The following ZPLD1 variants were observed in gnomAD, a reference collection of about 807,000 sequenced individuals.
ZPLD1 encodes zona pellucida like domain containing 1, also known as zona pellucida-like domain-containing protein 1.
ZPLD1 carries 34 observed loss-of-function variants against 47.2 expected under a neutral mutation model. That is an observed-to-expected ratio of 0.72 (90% CI 0.55 to 0.96). The LOEUF (loss-of-function observed/expected upper bound fraction) is 0.96. Among genes scored for constraint, ZPLD1 ranks in the 40% least tolerant of loss-of-function variants. The pLI, the probability that ZPLD1 is intolerant of heterozygous loss-of-function variation, is 0.00. For missense variants in ZPLD1, 512 were observed against 505.8 expected (o/e 1.01, Z -0.12); for synonymous variants, 176 against 186.2 (o/e 0.95, Z 0.45).
chr3:102,415,804 T>C (rs1368235550), intron 7 of ZPLD1, among the ~76,000 whole-genome samples: 1 of 151,898 alleles, frequency 6.6e-6, no homozygotes, highest in Non-Finnish European at 1.5e-5. Flanking sequence ...TTTAGTTATA[T>C]GACTTTTAAA....
rs183846345 is a variant in ZPLD1 at position 102,427,699 on chromosome 3, G to A, written c.-9+9492G>A. Among the ~76,000 whole-genome samples the A allele has an allele frequency of 1.6e-4, 25 of 152,236 alleles. No homozygotes were observed. The East Asian group carries it at 3.7e-3, about 22-fold the overall frequency. ...ATCCCCAAGAGCACACACACAATTC[G>A]TGACAGAATGAGAACCAGAGCCCAA... On this transcript the variant is annotated intron_variant, in intron 8 of 17. Coordinates refer to the ZPLD1 transcript ENST00000491959.
At chr3:102,392,546 C>T (rs538603377) in intron 7 of ZPLD1, among the ~76,000 whole-genome samples, 1,608 of 131,920 alleles carry the variant, frequency 0.012, 30 homozygotes, top group African/African-American at 0.047. Context: ...CTCCCTCCCT[C>T]CCTTCCTTCC....
chr3:102,423,991 A>G (rs1289721833), intron 8 of ZPLD1, among the ~76,000 whole-genome samples: 2 of 152,168 alleles, frequency 1.3e-5, no homozygotes, highest in Non-Finnish European at 2.9e-5. Context: ...TACAGGAGAA[A>G]CTGTGTACCA....
In ZPLD1 at chr3:102,468,970, C is replaced by A; in HGVS notation, c.768C>A (p.Asp256Glu). The change falls in exon 9 of 12, where the codon GAC (aspartate) becomes GAA (glutamate). Residue 256 changes from aspartate (D) to glutamate (E), a missense_variant. By Grantham distance (45) the Asp-to-Glu change is conservative. Transcript: ENST00000466937. ...DIRYDLFLSCDKDPQTTVIEN... is the reference protein window; with the variant it reads ...DIRYDLFLSCEKDPQTTVIEN... Reference sequence around the variant, plus strand: ...CACGTTCCCTAAAATTTAGCTGTGACAAGGACCCTCAGACCACCGTCATTG... The same window carrying A: ...CACGTTCCCTAAAATTTAGCTGTGAAAAGGACCCTCAGACCACCGTCATTG... 1 of 1,611,438 alleles carries A rather than the reference C, an allele frequency of 6.2e-7. No homozygotes were observed. The highest frequency in any genetic ancestry group is 8.5e-7 in the Non-Finnish European group (1 of 1,179,012).
At chr3:102,475,484 C>T (rs1027107347) in intron 10 of ZPLD1, among the ~76,000 whole-genome samples, 1 of 152,068 alleles carries the variant, frequency 6.6e-6, no homozygotes, top group South Asian at 2.1e-4. Context: ...AAAAGAATAG[C>T]TTTCAAAAAT....
At position 102,423,178 on chromosome 3, in the gene ZPLD1, T is replaced by G. The variant is rs368460678; in HGVS notation, c.-9+4971T>G. On this transcript the variant is annotated intron_variant, in intron 8 of 17. Coordinates refer to the ZPLD1 transcript ENST00000491959. ...CAAATGCATTATGTTGCTGATTAGCTGACTCTTTCAGGCTTAAACTGCCAT... is the reference window on the plus strand; with the variant it reads ...CAAATGCATTATGTTGCTGATTAGCGGACTCTTTCAGGCTTAAACTGCCAT... 9.2e-5 allele frequency among the ~76,000 whole-genome samples: 14 copies of G among 152,248 alleles called. No individual in the cohort carries two copies. In the South Asian group the frequency reaches 2.7e-3, roughly 29 times the overall value.
intron 3 of ZPLD1, among the ~76,000 whole-genome samples, chr3:102,444,761 G>A (rs1707231599): frequency 6.6e-6 from 1 of 152,132 alleles, no homozygotes; most frequent in Admixed American, 6.5e-5. Flanking sequence ...ATACAGAAAA[G>A]TTTTCTCCCA....
chr3:102,390,832 G>C (rs571404107), intron 6 of ZPLD1, among the ~76,000 whole-genome samples: 1 of 152,218 alleles, frequency 6.6e-6, no homozygotes, highest in African/African-American at 2.4e-5. Context: ...GAGATTATTG[G>C]AATGTTGCAA....
rs772265501 is a variant in ZPLD1 at position 102,470,435 on chromosome 3, G to A, written c.975G>A (p.Thr325=). 2.8e-5 allele frequency: 46 copies of A among 1,614,052 alleles called. No individual in the cohort carries two copies. The highest frequency in any genetic ancestry group is 3.5e-5 in the Non-Finnish European group (41 of 1,180,004). The change falls in exon 10 of 12, where the codon ACG becomes ACA. Residue 325 remains threonine (T), a synonymous_variant. Coordinates refer to ENST00000466937, the MANE Select transcript of ZPLD1 (RefSeq NM_001329788.2). The part of the protein sequence containing the change: ...HRERRDAGRR[T]TWSPQSSSGS... ...AAAGGAGAGATGCTGGGAGGAGGAC[G>A]ACTTGGAGCCCCCAGAGCTCTTCTG... is the stretch of plus-strand genomic sequence containing the variant.
At chr3:102,458,328 A>G (rs1259251675) in intron 6 of ZPLD1, among the ~76,000 whole-genome samples, 1 of 152,202 alleles carries the variant, frequency 6.6e-6, no homozygotes, top group Non-Finnish European at 1.5e-5. Flanking sequence ...CATCTGAAAT[A>G]ATTTGGATTG....
chr3:102,402,065 T>A (rs933955877), intron 7 of ZPLD1, among the ~76,000 whole-genome samples: 2 of 152,036 alleles, frequency 1.3e-5, no homozygotes, highest in Non-Finnish European at 2.9e-5. Flanking sequence ...CAATAGTCCT[T>A]TCTATAATTA....
At chr3:102,438,439 G>A (rs2107320555) in intron 2 of ZPLD1, 41 bp from the exon 3 acceptor site, 2 of 1,445,392 alleles carry the variant, frequency 1.4e-6, no homozygotes, top group Non-Finnish European at 1.9e-6. Flanking sequence ...GAGTGAAGGA[G>A]TTAAGTGGGA....
intron 2 of ZPLD1, 42 bp from the exon 3 acceptor site, chr3:102,438,438 A>T (rs779045061): frequency 1.0e-4 from 140 of 1,398,162 alleles, no homozygotes; most frequent in Non-Finnish European, 1.4e-4. Flanking sequence ...GGAGTGAAGG[A>T]GTTAAGTGGG....
intron 7 of ZPLD1, among the ~76,000 whole-genome samples, chr3:102,404,960 A>G (rs2107294524): frequency 6.6e-6 from 1 of 152,144 alleles, no homozygotes; most frequent in East Asian, 1.9e-4. Flanking sequence ...TCAGCATAGT[A>G]CTATACACTT....
intron 6 of ZPLD1, among the ~76,000 whole-genome samples, chr3:102,459,990 A>C (rs1013810489): frequency 1.3e-5 from 2 of 152,060 alleles, no homozygotes; most frequent in African/African-American, 4.8e-5. Flanking sequence ...CAAACTAAAA[A>C]TTTTTTAACA....
At chr3:102,438,867 A>G (rs895297890) in intron 3 of ZPLD1, among the ~76,000 whole-genome samples, 2 of 152,224 alleles carry the variant, frequency 1.3e-5, no homozygotes, top group African/African-American at 4.8e-5. Context: ...GACTAATTTC[A>G]TTCAAAATTT....
At chr3:102,461,131 A>C (rs112501391) in intron 6 of ZPLD1, among the ~76,000 whole-genome samples, 2,300 of 152,086 alleles carry the variant, frequency 0.015, 61 homozygotes, top group African/African-American at 0.053. Context: ...ATAAAATTCA[A>C]AATATTTTGC....
At chr3:102,476,738 T>C (rs76301824) in intron 10 of ZPLD1, among the ~76,000 whole-genome samples, 36 of 152,190 alleles carry the variant, frequency 2.4e-4, no homozygotes, top group African/African-American at 8.2e-4. Context: ...CACTGTATAT[T>C]TTTTTCTATT....
intron 7 of ZPLD1, among the ~76,000 whole-genome samples, chr3:102,411,083 C>T (rs1278408665): frequency 1.3e-5 from 2 of 151,596 alleles, no homozygotes; most frequent in African/African-American, 4.8e-5. Context: ...CCTTAATATC[C>T]CCAGCTGTGT....
Sources: allele counts gnomAD v4.1 joint callset (sites outside exome capture counted in the v4.1 genomes callset), GRCh38; gene constraint gnomAD v4.1.1; transcripts MANE v1.5; gene names NCBI Gene and HGNC (gene_info 2026-07-23, HGNC 2026-07-21).